Variants in CDH4 observed in about 807,000 individuals in gnomAD.
The protein encoded by CDH4 is cadherin 4, also known as cadherin-4.
A neutral mutation model predicts 86.0 loss-of-function variants in CDH4; 33 were observed. That is an observed-to-expected ratio of 0.38 (90% CI 0.29 to 0.51). The LOEUF (loss-of-function observed/expected upper bound fraction) is 0.51. CDH4 is among the 20% of genes least tolerant of loss of function. CDH4 has a pLI of 0.86. For synonymous variants in CDH4, 555 were observed against 549.4 expected (o/e 1.01, Z -0.14); for missense variants, 1,114 against 1,307.4 (o/e 0.85, Z 2.28).
intron 2 of CDH4, among the ~76,000 whole-genome samples, chr20:61,522,468 A>G (rs571884190): frequency 2.6e-5 from 4 of 152,342 alleles, no homozygotes; most frequent in African/African-American, 4.8e-5. Flanking sequence ...GTTTAATTCA[A>G]TCTTTTTCAA....
intron 2 of CDH4, among the ~76,000 whole-genome samples, chr20:61,589,764 C>A (rs902901243): frequency 1.3e-5 from 2 of 151,912 alleles, no homozygotes; most frequent in African/African-American, 2.4e-5. Flanking sequence ...CCTCTCCCCC[C>A]ATATTTAACT....
intron 2 of CDH4, among the ~76,000 whole-genome samples, chr20:61,448,087 C>T (rs914832746): frequency 2.0e-5 from 3 of 152,192 alleles, no homozygotes; most frequent in African/African-American, 7.2e-5. Flanking sequence ...TAGAAAAGAA[C>T]CAAAAGGATC....
chr20:61,501,865 T>C lies in CDH4; in HGVS notation c.170-241698T>C, dbSNP rs1445837583. On this transcript the variant is annotated intron_variant, in intron 2 of 15. Coordinates refer to ENST00000614565, the MANE Select transcript of CDH4 (RefSeq NM_001794.5). This position sits in a 1 kb window ranked among gnomAD's most constrained non-coding sequence, Gnocchi z 4.2. ...AACGCTGGACACGTGTGTCCTTGTATATACCTGTTGCGCCTGCGAGAACAT... is the reference window on the plus strand; with the variant it reads ...AACGCTGGACACGTGTGTCCTTGTACATACCTGTTGCGCCTGCGAGAACAT... 6.6e-6 allele frequency among the ~76,000 whole-genome samples: 1 copy of C among 152,188 alleles called. No individual in the cohort carries two copies. Among genetic ancestry groups the C allele is most frequent in the Non-Finnish European group, 1.5e-5 (1 of 68,038 alleles).
chr20:61,586,493 G>C (rs1006045133), intron 2 of CDH4, among the ~76,000 whole-genome samples: 7 of 152,162 alleles, frequency 4.6e-5, no homozygotes, highest in African/African-American at 1.4e-4. Context: ...AGTGCCTGAG[G>C]GGGTGTTAAG....
chr20:61,309,156 G>A (rs1395261728), intron 2 of CDH4, among the ~76,000 whole-genome samples: 1 of 152,230 alleles, frequency 6.6e-6, no homozygotes, highest in Non-Finnish European at 1.5e-5. Flanking sequence ...CAGCTCGGCT[G>A]GTGCCCAGGA....
At chr20:61,803,056 C>G (rs1471825568) in intron 4 of CDH4, among the ~76,000 whole-genome samples, 1 of 152,212 alleles carries the variant, frequency 6.6e-6, no homozygotes, top group Non-Finnish European at 1.5e-5. Context: ...GCGCTCCCCT[C>G]CTTCCCACGC....
rs79483042 is a variant in CDH4 at position 61,826,557 on chromosome 20, T to C, written c.577-18111T>C. Among the ~76,000 whole-genome samples the C allele has an allele frequency of 8.9e-3, 1,350 of 152,254 alleles. 18 individuals are homozygous for C. Among genetic ancestry groups the C allele is most frequent in the African/African-American group, 0.031 (1,288 of 41,558 alleles). On this transcript the variant is annotated intron_variant, in intron 4 of 15. Coordinates refer to ENST00000614565, the MANE Select transcript of CDH4 (RefSeq NM_001794.5). ...CCCCTGTGCTAAGCTAGGGCGGTGA[T>C]GGGGGTGGGGGTGGTTTCAAGAATA...
chr20:61,766,694 C>A (rs1470796296), intron 3 of CDH4, among the ~76,000 whole-genome samples: 3 of 152,068 alleles, frequency 2.0e-5, no homozygotes, highest in South Asian at 2.1e-4. Context: ...ACGCCCCCAC[C>A]CTGCTTTCCT....
At position 61,508,544 on chromosome 20, in the gene CDH4, G is replaced by C. The variant is rs184446718; in HGVS notation, c.170-235019G>C. On this transcript the variant is annotated intron_variant, in intron 2 of 15. Transcript: ENST00000614565. ...GGACAGTGGCGGAGCCCACTGTGAT[G>C]GGTGACAGACCAGGCTGTGGCAGGG... Among the ~76,000 whole-genome samples, 13 of 152,350 alleles carry C rather than the reference G, an allele frequency of 8.5e-5. No individual in the cohort carries two copies. The East Asian group carries it at 2.1e-3, about 25-fold the overall frequency.
intron 2 of CDH4, among the ~76,000 whole-genome samples, chr20:61,318,605 C>G (rs1181542500): frequency 1.3e-5 from 2 of 152,138 alleles, no homozygotes; most frequent in Non-Finnish European, 1.5e-5. Flanking sequence ...TCCAGAAGGC[C>G]TGGTTCGTGC....
chr20:61,523,234 G>T (rs1185083205), intron 2 of CDH4, among the ~76,000 whole-genome samples: 1 of 152,216 alleles, frequency 6.6e-6, no homozygotes, highest in Non-Finnish European at 1.5e-5. Flanking sequence ...ACCATCAGGA[G>T]GCCTCATCTC....
intron 2 of CDH4, among the ~76,000 whole-genome samples, chr20:61,333,829 C>T (rs1247526362): frequency 6.6e-6 from 1 of 152,248 alleles, no homozygotes; most frequent in African/African-American, 2.4e-5. Flanking sequence ...CTCCACATGG[C>T]TCTGGTGCCA....
At chr20:61,625,466 G>C (rs1224108932) in intron 2 of CDH4, among the ~76,000 whole-genome samples, 5 of 152,148 alleles carry the variant, frequency 3.3e-5, no homozygotes, top group African/African-American at 9.7e-5. Flanking sequence ...TTGTTCCAAA[G>C]AGCGCATGTG....
At chr20:61,745,764 T>A (rs2088406481) in intron 3 of CDH4, among the ~76,000 whole-genome samples, 1 of 152,132 alleles carries the variant, frequency 6.6e-6, no homozygotes, top group South Asian at 2.1e-4. Flanking sequence ...ATCCCCATCA[T>A]GCCTGTGACT....
intron 7 of CDH4, among the ~76,000 whole-genome samples, chr20:61,889,797 G>A (rs1424392548): frequency 6.6e-6 from 1 of 150,860 alleles, no homozygotes; most frequent in Non-Finnish European, 1.5e-5. Context: ...AGTGGATGGT[G>A]GATGGTGGAT....
intron 4 of CDH4, among the ~76,000 whole-genome samples, chr20:61,838,415 T>C (rs2146091763): frequency 6.6e-6 from 1 of 152,008 alleles, no homozygotes; most frequent in South Asian, 2.1e-4. Context: ...ACCAAGAAGC[T>C]CAAGCAGGAG....
chr20:61,719,268 T>G (rs2088004076), intron 2 of CDH4: 1 of 381,450 alleles, frequency 2.6e-6, no homozygotes. Flanking sequence ...AGTGTCTGGA[T>G]GTAAAAGAAC....
intron 2 of CDH4, among the ~76,000 whole-genome samples, chr20:61,407,016 C>G (rs561626378): frequency 2.0e-5 from 3 of 151,524 alleles, no homozygotes; most frequent in Admixed American, 2.0e-4. Flanking sequence ...GGACCACCAT[C>G]TGCTCTGCCT....
intron 2 of CDH4, among the ~76,000 whole-genome samples, chr20:61,627,360 G>T (rs1032958929): frequency 1.3e-5 from 2 of 152,158 alleles, no homozygotes; most frequent in Non-Finnish European, 2.9e-5. Flanking sequence ...GAACACTCAG[G>T]TCTCCCCCTT....
Sources: allele counts gnomAD v4.1 joint callset (sites outside exome capture counted in the v4.1 genomes callset), GRCh38; gene constraint gnomAD v4.1.1; non-coding constraint Gnocchi (gnomAD v3.1); transcripts MANE v1.5; gene names NCBI Gene and HGNC (gene_info 2026-07-23, HGNC 2026-07-21).